HTT-AS: variants seen among roughly 807,000 people sequenced by gnomAD.
The protein encoded by HTT-AS is HTT antisense RNA (head to head).
At chr4:3,065,951 G>C (rs1482446198) in intron 1 of HTT-AS, among the ~76,000 whole-genome samples, 2 of 152,226 alleles carry the variant, frequency 1.3e-5, no homozygotes, top group East Asian at 3.8e-4. Flanking sequence ...TTTTCAGGAG[G>C]AACTTCCATG....
chr4:3,058,525 C>G (rs1317944890), intron 2 of HTT-AS, among the ~76,000 whole-genome samples: 2 of 152,036 alleles, frequency 1.3e-5, no homozygotes, highest in Non-Finnish European at 2.9e-5. Context: ...TTCTTTACTG[C>G]AACCTGTTTT....
chr4:3,063,464 T>C (rs937544887), exon 2 of HTT-AS: 2 of 152,266 alleles, frequency 1.3e-5, no homozygotes, highest in African/African-American at 4.8e-5. Context: ...GGAGCAGGGG[T>C]GCAAGGAGGT....
At chr4:3,068,279 C>T (rs1712092817) in intron 1 of HTT-AS, among the ~76,000 whole-genome samples, 1 of 125,856 alleles carries the variant, frequency 7.9e-6, no homozygotes, top group African/African-American at 3.2e-5. Flanking sequence ...GCACTCCAGC[C>T]TGGGTGACAG....
At chr4:3,048,316 G>A (rs746983828), downstream of HTT-AS, among the ~76,000 whole-genome samples, 1 of 152,142 alleles carries the variant, frequency 6.6e-6, no homozygotes, top group Non-Finnish European at 1.5e-5. Flanking sequence ...CATAGGTTAC[G>A]GTGTCCTCAT....
At position 3,052,838 on chromosome 4, in the gene HTT-AS, A is replaced by T. The variant is rs551379646; in HGVS notation, n.1381-3140T>A. ...ACCCCACCTCTACTAAAATAAAAAT[A>T]AAAAAAAATTAGCCGGGCATGGCGG... is the stretch of plus-strand genomic sequence containing the variant. On this transcript the variant is annotated intron_variant and non_coding_transcript_variant, in intron 2 of 2. Transcript: ENST00000664062. 8.6e-5 allele frequency among the ~76,000 whole-genome samples: 13 copies of T among 151,778 alleles called. No homozygotes were observed. The South Asian group carries it at 1.2e-3, about 15-fold the overall frequency.
At chr4:3,054,207 AT>A (rs1401447885) in intron 2 of HTT-AS, among the ~76,000 whole-genome samples, 1 of 151,826 alleles carries the variant, frequency 6.6e-6, no homozygotes, top group East Asian at 1.9e-4. Flanking sequence ...AAGAAAATAA[AT>A]TTTATATAAG....
chr4:3,060,544 C>T (rs1364325708), intron 2 of HTT-AS, among the ~76,000 whole-genome samples: 2 of 152,218 alleles, frequency 1.3e-5, no homozygotes, highest in African/African-American at 4.8e-5. Flanking sequence ...TAGGCAGATA[C>T]TGAGGGTAAG....
intron 2 of HTT-AS, among the ~76,000 whole-genome samples, chr4:3,060,036 G>A (rs186169256): frequency 4.0e-4 from 61 of 151,240 alleles, no homozygotes; most frequent in East Asian, 3.3e-3. Context: ...ATTCTCCTGC[G>A]TCGGTCTCCT....
chr4:3,053,984 T>G (rs1239303228), intron 2 of HTT-AS, among the ~76,000 whole-genome samples: 1 of 151,984 alleles, frequency 6.6e-6, no homozygotes, highest in Non-Finnish European at 1.5e-5. Flanking sequence ...GGTCTTGAAC[T>G]CCTGACCTCA....
At chr4:3,058,116 C>T (rs1711844429) in intron 2 of HTT-AS, among the ~76,000 whole-genome samples, 1 of 151,646 alleles carries the variant, frequency 6.6e-6, no homozygotes, top group African/African-American at 2.4e-5. Context: ...GACCTGAGGT[C>T]AGGAGTTTGA....
At chr4:3,068,693 C>T (rs1712103729) in intron 1 of HTT-AS, among the ~76,000 whole-genome samples, 4 of 136,694 alleles carry the variant, frequency 2.9e-5, no homozygotes, top group South Asian at 2.3e-4. Context: ...CTCACTCTGT[C>T]GCCCAGGCTA....
Position 3,059,439 on chromosome 4 carries a change from G to A in HTT-AS, n.1380+2995C>T, listed in dbSNP as rs534392267. Among the ~76,000 whole-genome samples the A allele has an allele frequency of 4.0e-5, 6 of 151,614 alleles. No individual in the cohort carries two copies. In the East Asian group the frequency reaches 1.2e-3, roughly 29 times the overall value. ...TAAACTCTGTTCAATTCAATTTGTT[G>A]GAAGTTTTTAACATACCAATGGTGC... On this transcript the variant is annotated intron_variant and non_coding_transcript_variant, in intron 2 of 2. Transcript: ENST00000664062.
intron 2 of HTT-AS, among the ~76,000 whole-genome samples, chr4:3,059,826 G>C (rs2110122284): frequency 6.6e-6 from 1 of 152,082 alleles, no homozygotes; most frequent in East Asian, 1.9e-4. Context: ...ACCTGCCTTG[G>C]CCTCCCAAAA....
chr4:3,056,291 G>C (rs1438008590), intron 2 of HTT-AS, among the ~76,000 whole-genome samples: 1 of 152,242 alleles, frequency 6.6e-6, no homozygotes, highest in Non-Finnish European at 1.5e-5. Context: ...AGAGACTCCA[G>C]GGATGCTTCA....
chr4:3,049,096 A>T (rs1395758629), exon 3 of HTT-AS, among the ~76,000 whole-genome samples: 12 of 152,182 alleles, frequency 7.9e-5, no homozygotes, highest in Non-Finnish European at 1.5e-4. Flanking sequence ...TCTATTATTC[A>T]TAGAGGCATA....
At position 3,072,093 on chromosome 4, in the gene HTT-AS, G is replaced by A. The variant is rs574620586; in HGVS notation, n.113+2333C>T. Among the ~76,000 whole-genome samples the A allele has an allele frequency of 8.5e-5, 13 of 152,240 alleles. No homozygotes were observed. The South Asian group carries it at 2.3e-3, about 27-fold the overall frequency. On this transcript the variant is annotated intron_variant and non_coding_transcript_variant, in intron 1 of 2. Coordinates refer to ENST00000664062, the Ensembl canonical transcript of HTT-AS. Reference sequence around the variant, plus strand: ...TGTAGAGCCATATGTATCGTCACACGTTCTGTGGGTCAGGAATTTGGACCC... The same window carrying A: ...TGTAGAGCCATATGTATCGTCACACATTCTGTGGGTCAGGAATTTGGACCC...
exon 3 of HTT-AS, among the ~76,000 whole-genome samples, chr4:3,049,545 AG>A (rs1481355174): frequency 1.3e-5 from 2 of 152,186 alleles, no homozygotes; most frequent in Non-Finnish European, 2.9e-5. Flanking sequence ...TTTACCTTAA[AG>A]GTTCCAATGG....
At chr4:3,053,384 T>C (rs990932928) in intron 2 of HTT-AS, among the ~76,000 whole-genome samples, 4 of 152,040 alleles carry the variant, frequency 2.6e-5, no homozygotes, top group Non-Finnish European at 5.9e-5. Flanking sequence ...AATACAAAAA[T>C]TAGCCAGGTG....
At chr4:3,048,432 G>A (rs1711641564), downstream of HTT-AS, among the ~76,000 whole-genome samples, 4 of 152,246 alleles carry the variant, frequency 2.6e-5, no homozygotes, top group South Asian at 6.2e-4. Context: ...AGAATGCAGC[G>A]CACCAGGGAG....
Sources: gnomAD v4.1 joint callset for allele counts (sites outside exome capture counted in the v4.1 genomes callset) on GRCh38, gnomAD v4.1.1 for gene constraint, MANE v1.5 for transcripts, NCBI Gene and HGNC (gene_info 2026-07-23, HGNC 2026-07-21) for gene names.